BTLA: variants seen among roughly 807,000 people sequenced by gnomAD.
BTLA encodes B and T lymphocyte associated.
In BTLA, 11 loss-of-function variants were observed where a neutral mutation model predicts 25.0. The observed-to-expected ratio is 0.44, with a 90% CI of 0.28 to 0.73. The LOEUF is 0.73. BTLA is among the 30% of genes least tolerant of loss of function. The pLI, the probability that BTLA is intolerant of heterozygous loss-of-function variation, is 0.15. For missense variants in BTLA, 282 were observed against 332.8 expected, an observed-to-expected ratio of 0.85 and a Z score of 1.19; for synonymous variants, 104 against 119.8, an observed-to-expected ratio of 0.87 and a Z score of 0.86.
At chr3:112,472,707 T>A (rs1276786385) in intron 2 of BTLA, among the ~76,000 whole-genome samples, 2 of 151,680 alleles carry the variant, frequency 1.3e-5, no homozygotes, top group African/African-American at 4.9e-5. Context: ...AAAAAAAAAA[T>A]TCTATTAATT....
intron 4 of BTLA, among the ~76,000 whole-genome samples, chr3:112,467,111 C>T (rs763989420): frequency 3.2e-4 from 49 of 152,196 alleles, no homozygotes; most frequent in Non-Finnish European, 6.3e-4. Context: ...GCGCCCGCCA[C>T]CTCGCCCGGC....
intron 1 of BTLA, among the ~76,000 whole-genome samples, chr3:112,489,484 T>C (rs76677549): frequency 2.0e-5 from 3 of 152,360 alleles, no homozygotes; most frequent in East Asian, 1.9e-4. Flanking sequence ...TATGTCTCCA[T>C]TGAAAAATTC....
At chr3:112,499,000 T>C (rs2082426490) in intron 1 of BTLA, among the ~76,000 whole-genome samples, 1 of 152,196 alleles carries the variant, frequency 6.6e-6, no homozygotes, top group Admixed American at 6.5e-5. Context: ...ATTTATAACA[T>C]CTACTCAGTT....
chr3:112,484,752 T>A (rs1285698587), intron 1 of BTLA, among the ~76,000 whole-genome samples: 1 of 152,212 alleles, frequency 6.6e-6, no homozygotes, highest in African/African-American at 2.4e-5. Flanking sequence ...GCTTTTTGTG[T>A]TGGTGGCATC....
chr3:112,484,903 C>T (rs930055934), intron 1 of BTLA, among the ~76,000 whole-genome samples: 1 of 152,174 alleles, frequency 6.6e-6, no homozygotes, highest in Non-Finnish European at 1.5e-5. Context: ...TGTAGGCTTG[C>T]AAGCAGGCAT....
chr3:112,497,149 A>G (rs1422446124), intron 1 of BTLA, among the ~76,000 whole-genome samples: 1 of 152,266 alleles, frequency 6.6e-6, no homozygotes, highest in Non-Finnish European at 1.5e-5. Flanking sequence ...TAATAATGTT[A>G]AAACATAATT....
intron 1 of BTLA, among the ~76,000 whole-genome samples, chr3:112,498,506 T>C (rs2082422536): frequency 6.7e-6 from 1 of 149,568 alleles, no homozygotes. Context: ...TTCCTCTTGA[T>C]AATATGTGGG....
intron 1 of BTLA, among the ~76,000 whole-genome samples, chr3:112,494,176 T>G (rs2082395895): frequency 6.6e-6 from 1 of 151,862 alleles, no homozygotes; most frequent in Admixed American, 6.6e-5. Context: ...TCACTGATGG[T>G]CAGAGAAATG....
In BTLA at chr3:112,464,082, C is replaced by T. The variant is rs2633570; in HGVS notation, c.*2026G>A. ...TTCTTTTTCTCAAACCCTCTATAAA[C>T]TAATGAAATAAGCCATGTAAATAAT... On this transcript the variant is annotated 3_prime_UTR_variant, in exon 5 of 5. Coordinates refer to ENST00000334529, the MANE Select transcript of BTLA (RefSeq NM_181780.4). The T allele has an allele frequency of 0.99, 393,607 of 397,744 alleles. 194,880 individuals carry two copies. The highest frequency in any genetic ancestry group is 1 in the East Asian group (27,908 of 27,916). The allele number at this position is 397,744 out of a possible 1,614,324, so 24.6% of individuals were successfully genotyped here.
At position 112,499,389 on chromosome 3, in the gene BTLA, C is replaced by T. The variant is rs1306849908; in HGVS notation, c.-31G>A. On this transcript the variant is annotated 5_prime_UTR_variant, in exon 1 of 5. Coordinates refer to ENST00000334529, the MANE Select transcript of BTLA (RefSeq NM_181780.4). ...GCACATATCAGTGATGGAAAAACTG[C>T]TCAAGTAGAAGGCTTTGCTTCGTCT... 2 of 1,602,700 alleles carry T rather than the reference C, an allele frequency of 1.2e-6. No homozygotes were observed. Among genetic ancestry groups the T allele is most frequent in the Non-Finnish European group, 1.7e-6 (2 of 1,171,884 alleles).
intron 1 of BTLA, among the ~76,000 whole-genome samples, chr3:112,485,141 T>G (rs888511370): frequency 1.3e-4 from 19 of 151,958 alleles, no homozygotes; most frequent in African/African-American, 4.6e-4. Context: ...GCCTCCCAGG[T>G]TCAAGCGATT....
intron 2 of BTLA, among the ~76,000 whole-genome samples, chr3:112,474,779 G>A (rs1363221734): frequency 1.3e-5 from 2 of 152,184 alleles, no homozygotes; most frequent in African/African-American, 4.8e-5. Context: ...TCTACAAGTG[G>A]CAAGAGCAGC....
chr3:112,482,510 A>G (rs1315495087), intron 1 of BTLA, among the ~76,000 whole-genome samples: 1 of 152,160 alleles, frequency 6.6e-6, no homozygotes, highest in Non-Finnish European at 1.5e-5. Context: ...CATTTTATCT[A>G]TTTCCTCACA....
chr3:112,472,333 G>GGTT (rs780170434), intron 2 of BTLA, among the ~76,000 whole-genome samples: 6 of 152,080 alleles, frequency 3.9e-5, no homozygotes, highest in East Asian at 1.9e-4. Flanking sequence ...TGTAAGATCT[G>GGTT]GTTGTTGTTG....
At chr3:112,475,729 G>C (rs1225279004) in intron 2 of BTLA, among the ~76,000 whole-genome samples, 3 of 152,106 alleles carry the variant, frequency 2.0e-5, no homozygotes, top group Non-Finnish European at 4.4e-5. Flanking sequence ...ATTACACAAG[G>C]CTTCTCTTCC....
At chr3:112,487,718 AAAG>A (rs1285189007) in intron 1 of BTLA, among the ~76,000 whole-genome samples, 1 of 152,228 alleles carries the variant, frequency 6.6e-6, no homozygotes, top group Non-Finnish European at 1.5e-5. Context: ...TTTCTAGCAC[AAAG>A]AAGAGGCTGA....
intron 1 of BTLA, among the ~76,000 whole-genome samples, chr3:112,489,001 A>G (rs1053564226): frequency 4.6e-5 from 7 of 152,074 alleles, no homozygotes; most frequent in Admixed American, 1.3e-4. Context: ...TTACCTTTCT[A>G]TGTAGTACTG....
chr3:112,471,176 G>A, intron 3 of BTLA, 36 bp downstream of exon 3: 1 of 1,600,878 alleles, frequency 6.2e-7, no homozygotes, highest in Non-Finnish European at 8.5e-7. Flanking sequence ...GGCCCCAAAT[G>A]TGTGGTACTG....
chr3:112,474,475 A>C (rs2082278773), intron 2 of BTLA, among the ~76,000 whole-genome samples: 1 of 152,066 alleles, frequency 6.6e-6, no homozygotes, highest in East Asian at 1.9e-4. Flanking sequence ...ATTCCTAAAC[A>C]ATTTACCTTT....
Sources: allele counts gnomAD v4.1 joint callset (sites outside exome capture counted in the v4.1 genomes callset), GRCh38; gene constraint gnomAD v4.1.1; transcripts MANE v1.5; gene names NCBI Gene and HGNC (gene_info 2026-07-23, HGNC 2026-07-21).